STPG1: variants seen among roughly 807,000 people sequenced by gnomAD.
STPG1 encodes the protein sperm tail PG-rich repeat containing 1, also known as O(6)-methylguanine-induced apoptosis 2.
Under a neutral mutation model 40.1 loss-of-function variants are expected in STPG1, and 33 were observed. The observed-to-expected ratio is 0.82, with a 90% CI of 0.62 to 1.10. The LOEUF is 1.10. Ranked by LOEUF, STPG1 falls within the 50% of genes least tolerant of loss-of-function variation. STPG1 has a pLI of 0.00. For missense variants in STPG1, 396 were observed against 415.1 expected (o/e 0.95, Z 0.40); for synonymous variants, 150 against 155.0 (o/e 0.97, Z 0.24).
At chr1:24,373,926 C>G in intron 5 of STPG1, 116 bp from the exon 6 acceptor site, 1 of 732,832 alleles carries the variant, frequency 1.4e-6, no homozygotes, top group African/African-American at 1.7e-5. Context: ...ACCTGTCCTT[C>G]TTAGCAAATG....
intron 4 of STPG1, among the ~76,000 whole-genome samples, chr1:24,381,673 AGTC>A (rs1468881459): frequency 6.6e-6 from 1 of 152,248 alleles, no homozygotes; most frequent in African/African-American, 2.4e-5. Context: ...TTGTTTCAAC[AGTC>A]ATGAGGAAGT....
intron 7 of STPG1, chr1:24,364,036 T>C (rs547093869): frequency 8.2e-7 from 1 of 1,223,536 alleles, no homozygotes; most frequent in East Asian, 2.9e-5. Context: ...ATCTCCCATG[T>C]CCTGCTGCTT....
chr1:24,360,975 A>G lies in STPG1; in HGVS notation c.804T>C (p.Gly268=). The G allele has an allele frequency of 6.2e-7, 1 of 1,613,932 alleles. No individual in the cohort carries two copies. Among genetic ancestry groups the G allele is most frequent in the South Asian group, 1.1e-5 (1 of 90,990 alleles). The stretch of plus-strand genomic sequence containing the variant: ...AGTCCACGATCTCATACTGACCAGG[A>G]CCTGGGAAAGGTGGCTTCGGAGGCA... ...SPLPPKPPFP[G]PGQYEIVDYL... The change falls in exon 8 of 9, where the codon GGT becomes GGC. Residue 268 remains glycine (G), a synonymous_variant. Coordinates refer to ENST00000337248, the MANE Select transcript of STPG1 (RefSeq NM_001199013.2).
chr1:24,400,633 G>A (rs1643185651), intron 2 of STPG1, among the ~76,000 whole-genome samples: 1 of 152,228 alleles, frequency 6.6e-6, no homozygotes, highest in African/African-American at 2.4e-5. Context: ...CACCAGGGAG[G>A]TGGTAACAGC....
chr1:24,372,987 G>A (rs1386499159), intron 6 of STPG1, among the ~76,000 whole-genome samples: 1 of 152,224 alleles, frequency 6.6e-6, no homozygotes, highest in Non-Finnish European at 1.5e-5. Context: ...TTGCAGGAAA[G>A]CTCTTGTGTA....
At chr1:24,382,407 C>A (rs563893445) in intron 4 of STPG1, among the ~76,000 whole-genome samples, 1 of 152,276 alleles carries the variant, frequency 6.6e-6, no homozygotes, top group African/African-American at 2.4e-5. Flanking sequence ...TCACTCATTG[C>A]AACGTTAATT....
intron 2 of STPG1, among the ~76,000 whole-genome samples, chr1:24,400,069 C>A (rs898994866): frequency 6.6e-6 from 1 of 152,162 alleles, no homozygotes; most frequent in Non-Finnish European, 1.5e-5. Context: ...AAGACAAGTA[C>A]AAGAATAGTT....
chr1:24,400,160 G>A (rs1008664031), intron 2 of STPG1, among the ~76,000 whole-genome samples: 4 of 152,206 alleles, frequency 2.6e-5, no homozygotes, highest in Admixed American at 2.6e-4. Context: ...AATAAATTGT[G>A]GTGTATTCAA....
At chr1:24,413,580 G>C (rs1019417880) in intron 1 of STPG1, 94 bp downstream of exon 1, 1 of 152,354 alleles carries the variant, frequency 6.6e-6, no homozygotes, top group Non-Finnish European at 1.5e-5. Context: ...AGGCCGGGGG[G>C]TCTCCGCGGG....
intron 5 of STPG1, among the ~76,000 whole-genome samples, chr1:24,375,987 C>G (rs1642003625): frequency 6.6e-6 from 1 of 152,116 alleles, no homozygotes; most frequent in Non-Finnish European, 1.5e-5. Context: ...GGTGGAGGGA[C>G]AGAGGTAGGA....
chr1:24,373,662 T>A (rs769456649), intron 6 of STPG1, 40 bp downstream of exon 6: 7 of 1,395,626 alleles, frequency 5.0e-6, no homozygotes, highest in Non-Finnish European at 6.1e-6. Flanking sequence ...TCTGGGACAC[T>A]TAACCCTTAG....
chr1:24,389,804 T>C (rs926281549), intron 3 of STPG1, among the ~76,000 whole-genome samples: 2 of 152,106 alleles, frequency 1.3e-5, no homozygotes, highest in African/African-American at 4.8e-5. Flanking sequence ...ACAGAGAAAC[T>C]AGGGAGAGAA....
At chr1:24,413,050 G>A (rs1331173508) in intron 1 of STPG1, among the ~76,000 whole-genome samples, 4 of 152,316 alleles carry the variant, frequency 2.6e-5, no homozygotes, top group African/African-American at 7.2e-5. Context: ...AGTTTCGTCT[G>A]TAGGCGATTT....
At chr1:24,388,663 G>A (rs74060330) in intron 3 of STPG1, among the ~76,000 whole-genome samples, 3,395 of 152,292 alleles carry the variant, frequency 0.022, 106 homozygotes, top group African/African-American at 0.072. Context: ...CTGGAGCAAC[G>A]GTGTGGGTGA....
At chr1:24,412,693 AC>A (rs1430305939) in intron 1 of STPG1, among the ~76,000 whole-genome samples, 1 of 152,204 alleles carries the variant, frequency 6.6e-6, no homozygotes, top group East Asian at 1.9e-4. Flanking sequence ...CCCTGTCTCT[AC>A]AAAAATAATA....
At chr1:24,386,213 C>A (rs1434212002) in intron 3 of STPG1, among the ~76,000 whole-genome samples, 1 of 152,208 alleles carries the variant, frequency 6.6e-6, no homozygotes, top group Non-Finnish European at 1.5e-5. Context: ...ATCTGAAATT[C>A]TAATTTAACT....
At position 24,401,004 on chromosome 1, in the gene STPG1, T is replaced by TA. The variant is rs533387046; in HGVS notation, c.70+314dup. ...ATAACTCAAGTTGAGTTCTAGGAAA[T>TA]AAAAAAAGATCTCTTACATATCTAA... On this transcript the variant is annotated intron_variant, in intron 2 of 8. Transcript: ENST00000337248. 6.7e-4 allele frequency: 171 copies of TA among 255,606 alleles called. 2 individuals carry two copies. Among genetic ancestry groups the TA allele is most frequent in the Middle Eastern group, 4.0e-3 (3 of 754 alleles). 15.8% of individuals were successfully genotyped at this position (255,606 alleles called of 1,614,324 possible).
At chr1:24,398,393 T>C (rs959282276) in intron 2 of STPG1, among the ~76,000 whole-genome samples, 4 of 152,114 alleles carry the variant, frequency 2.6e-5, no homozygotes, top group East Asian at 1.9e-4. Context: ...GGATACCAAA[T>C]TGTGAAATAT....
At chr1:24,397,115 T>C (rs146080755) in intron 2 of STPG1, among the ~76,000 whole-genome samples, 115 of 152,198 alleles carry the variant, frequency 7.6e-4, no homozygotes, top group African/African-American at 2.6e-3. Context: ...TTATGAGCAG[T>C]CAGCTCCTCA....
Sources: gnomAD v4.1 joint callset for allele counts (sites outside exome capture counted in the v4.1 genomes callset) on GRCh38, gnomAD v4.1.1 for gene constraint, MANE v1.5 for transcripts, NCBI Gene and HGNC (gene_info 2026-07-23, HGNC 2026-07-21) for gene names.